Variants in NLK observed in about 807,000 individuals in gnomAD.
The protein encoded by NLK is serine/threonine-protein kinase NLK.
A neutral mutation model predicts 59.0 loss-of-function variants in NLK; 11 were observed. The observed-to-expected ratio is 0.19, with a 90% CI of 0.12 to 0.31. The LOEUF is 0.31. Ranked by LOEUF, NLK falls within the 10% of genes least tolerant of loss-of-function variation. The probability of loss-of-function intolerance (pLI) is 1.00; values close to 1 mark genes in which losing one functional copy is unlikely to be tolerated. For missense variants in NLK, 410 were observed against 661.1 expected (o/e 0.62, Z 4.16); for synonymous variants, 235 against 235.9 (o/e 1.00, Z 0.03).
chr17:28,061,986 C>T (rs749180706), intron 1 of NLK: 14 of 147,024 alleles, frequency 9.5e-5, no homozygotes, highest in Non-Finnish European at 1.5e-4. Context: ...TTAGTTCAAG[C>T]AGTTGCTTCC....
At chr17:28,170,877 A>G (rs936034153) in intron 6 of NLK, among the ~76,000 whole-genome samples, 4 of 152,218 alleles carry the variant, frequency 2.6e-5, no homozygotes, top group African/African-American at 9.6e-5. Context: ...TAGCCACTGC[A>G]GGAGAATTCA....
chr17:28,203,100 TACA>T, the NLK span, among the ~76,000 whole-genome samples: 1 of 151,860 alleles, frequency 6.6e-6, no homozygotes, highest in African/African-American at 2.4e-5. Flanking sequence ...TTCTTGGGAC[TACA>T]ACTCTTTTGA....
chr17:28,077,402 A>G (rs929501768), intron 1 of NLK, among the ~76,000 whole-genome samples: 3 of 152,018 alleles, frequency 2.0e-5, no homozygotes, highest in African/African-American at 7.2e-5. Flanking sequence ...TACCACGAGA[A>G]CAGTATGGGG....
intron 1 of NLK, chr17:28,061,931 A>G (rs1337657479): frequency 5.0e-5 from 7 of 140,552 alleles, no homozygotes; most frequent in Non-Finnish European, 9.1e-5. Flanking sequence ...ACATATATAT[A>G]TATATTTTTT....
intron 3 of NLK, among the ~76,000 whole-genome samples, chr17:28,142,974 T>G (rs1907071954): frequency 6.6e-6 from 1 of 152,138 alleles, no homozygotes; most frequent in Non-Finnish European, 1.5e-5. Context: ...TAAACCAAAT[T>G]TACTATGTCT....
At chr17:28,191,550 A>G (rs1438038728) in intron 9 of NLK, among the ~76,000 whole-genome samples, 1 of 152,252 alleles carries the variant, frequency 6.6e-6, no homozygotes, top group African/African-American at 2.4e-5. Flanking sequence ...TCCATAAAGG[A>G]TAAACATTCA....
At chr17:28,156,687 C>T (rs1907754808) in intron 3 of NLK, among the ~76,000 whole-genome samples, 1 of 152,144 alleles carries the variant, frequency 6.6e-6, no homozygotes, top group Admixed American at 6.5e-5. Context: ...CCACATATTT[C>T]TAGTTAACTG....
At chr17:28,131,586 TAAAAAAAA>T (rs35804817) in intron 2 of NLK, among the ~76,000 whole-genome samples, 20 of 83,718 alleles carry the variant, frequency 2.4e-4, no homozygotes, top group Admixed American at 5.5e-4. Context: ...TTCTCTGTAG[TAAAAAAAA>T]AAAAAAAAAA....
intron 3 of NLK, among the ~76,000 whole-genome samples, chr17:28,142,838 G>C (rs1266313889): frequency 6.6e-6 from 1 of 152,094 alleles, no homozygotes; most frequent in Non-Finnish European, 1.5e-5. Flanking sequence ...GCCTAAGCAT[G>C]TTAGTGTTTA....
chr17:28,090,428 C>A (rs975887064), intron 1 of NLK, among the ~76,000 whole-genome samples: 4 of 152,066 alleles, frequency 2.6e-5, no homozygotes, highest in Non-Finnish European at 5.9e-5. Flanking sequence ...CTCTTCATTT[C>A]TTTGTAGATA....
intron 1 of NLK, among the ~76,000 whole-genome samples, chr17:28,062,348 A>G (rs1909691325): frequency 6.6e-6 from 1 of 152,154 alleles, no homozygotes; most frequent in African/African-American, 2.4e-5. Context: ...CTTAATGTAA[A>G]TACCATTATT....
intron 7 of NLK, among the ~76,000 whole-genome samples, chr17:28,172,954 G>A (rs1041530042): frequency 5.9e-5 from 9 of 152,120 alleles, no homozygotes; most frequent in African/African-American, 2.2e-4. Context: ...ATATCAAGAT[G>A]TCCTTTCCAA....
intron 7 of NLK, among the ~76,000 whole-genome samples, chr17:28,172,863 GTGTC>G (rs1273976099): frequency 6.6e-6 from 1 of 152,124 alleles, no homozygotes; most frequent in African/African-American, 2.4e-5. Context: ...CCTTGGCTTT[GTGTC>G]TCCTGATTTA....
At chr17:28,081,448 T>C (rs1910344368) in intron 1 of NLK, among the ~76,000 whole-genome samples, 1 of 152,166 alleles carries the variant, frequency 6.6e-6, no homozygotes. Flanking sequence ...TTGTATGTTT[T>C]TGGTAGGTGT....
chr17:28,122,261 C>G (rs1906097711), intron 1 of NLK, among the ~76,000 whole-genome samples: 1 of 152,170 alleles, frequency 6.6e-6, no homozygotes, highest in East Asian at 1.9e-4. Context: ...TATGCTGCTT[C>G]TGTATGTTTT....
intron 1 of NLK, among the ~76,000 whole-genome samples, chr17:28,069,165 C>T (rs1909928956): frequency 6.6e-6 from 1 of 152,172 alleles, no homozygotes; most frequent in African/African-American, 2.4e-5. Flanking sequence ...TAGATAGAAT[C>T]TTACAATATG....
chr17:28,092,039 G>A (rs1904512679), intron 1 of NLK, among the ~76,000 whole-genome samples: 1 of 152,178 alleles, frequency 6.6e-6, no homozygotes, highest in African/African-American at 2.4e-5. Context: ...AATCATTAGA[G>A]CTAACAATAT....
At chr17:28,175,501 C>T (rs908792747) in intron 7 of NLK, among the ~76,000 whole-genome samples, 4 of 151,746 alleles carry the variant, frequency 2.6e-5, no homozygotes, top group African/African-American at 4.8e-5. Context: ...CCATGTTGCA[C>T]GTGTTTTGAA....
At chr17:28,201,646 C>G in the NLK span, among the ~76,000 whole-genome samples, 1 of 152,130 alleles carries the variant, frequency 6.6e-6, no homozygotes, top group African/African-American at 2.4e-5. Flanking sequence ...GAGATTTATC[C>G]TGGCAATACA....
Sources: gnomAD v4.1 joint callset for allele counts (sites outside exome capture counted in the v4.1 genomes callset) on GRCh38, gnomAD v4.1.1 for gene constraint, MANE v1.5 for transcripts, NCBI Gene and HGNC (gene_info 2026-07-23, HGNC 2026-07-21) for gene names.